Variants in FRMD4B observed in about 807,000 individuals in gnomAD.
FRMD4B encodes the protein FERM domain containing 4B, also known as FERM domain-containing protein 4B.
FRMD4B carries 74 observed loss-of-function variants against 141.5 expected under a neutral mutation model. That is an observed-to-expected ratio of 0.52 (90% CI 0.43 to 0.63). The LOEUF is 0.63. Among genes scored for constraint, FRMD4B ranks in the 30% least tolerant of loss-of-function variants. The pLI, the probability that FRMD4B is intolerant of heterozygous loss-of-function variation, is 0.00. For synonymous variants in FRMD4B, 506 were observed against 467.9 expected (o/e 1.08, Z -1.05); for missense variants, 1,366 against 1,253.4 (o/e 1.09, Z -1.36).
intron 3 of FRMD4B, among the ~76,000 whole-genome samples, chr3:69,305,278 G>A (rs899813279): frequency 7.9e-5 from 12 of 152,122 alleles, no homozygotes; most frequent in Admixed American, 3.9e-4. Flanking sequence ...GAAAGAGTGT[G>A]TCTTTGTTTC....
At chr3:69,309,092 A>C (rs1701487040) in intron 3 of FRMD4B, among the ~76,000 whole-genome samples, 1 of 152,164 alleles carries the variant, frequency 6.6e-6, no homozygotes, top group Non-Finnish European at 1.5e-5. Flanking sequence ...ATATAGAACA[A>C]CACCTGGCAT....
chr3:69,538,981 T>C (rs897810886), intron 1 of FRMD4B, among the ~76,000 whole-genome samples: 14 of 152,328 alleles, frequency 9.2e-5, no homozygotes, highest in South Asian at 4.1e-4. Context: ...TACTTATCTA[T>C]AGGCTGATGA....
chr3:69,175,880 A>C (rs1297148907), intron 22 of FRMD4B, among the ~76,000 whole-genome samples: 1 of 145,616 alleles, frequency 6.9e-6, no homozygotes, highest in Admixed American at 7.2e-5. Context: ...TCTGGGGTTC[A>C]CGCCATTCTC....
intron 1 of FRMD4B, among the ~76,000 whole-genome samples, chr3:69,315,799 G>A (rs1701788484): frequency 6.6e-6 from 1 of 152,232 alleles, no homozygotes; most frequent in Non-Finnish European, 1.5e-5. Flanking sequence ...CCATGGATGT[G>A]GAATTGCTAG....
At chr3:69,531,072 A>G (rs1461533206) in intron 1 of FRMD4B, among the ~76,000 whole-genome samples, 3 of 152,206 alleles carry the variant, frequency 2.0e-5, no homozygotes, top group Admixed American at 1.3e-4. Flanking sequence ...CTTACTACTT[A>G]TCCCTTAAAC....
chr3:69,494,625 C>T (rs978157724), intron 1 of FRMD4B, among the ~76,000 whole-genome samples: 1 of 152,148 alleles, frequency 6.6e-6, no homozygotes, highest in African/African-American at 2.4e-5. Context: ...GGTGCGGTGG[C>T]TCATACATGT....
At chr3:69,511,682 C>G (rs1024410900) in intron 1 of FRMD4B, among the ~76,000 whole-genome samples, 1 of 152,226 alleles carries the variant, frequency 6.6e-6, no homozygotes, top group Admixed American at 6.5e-5. Flanking sequence ...ACTGGCATCA[C>G]TGAAGTGTTC....
chr3:69,474,190 A>G (rs1003804099), intron 1 of FRMD4B, among the ~76,000 whole-genome samples: 1 of 152,204 alleles, frequency 6.6e-6, no homozygotes, highest in Non-Finnish European at 1.5e-5. Context: ...TACATGTGAC[A>G]GAAACCTGTT....
chr3:69,318,987 A>G (rs921874015), intron 1 of FRMD4B, among the ~76,000 whole-genome samples: 2 of 152,112 alleles, frequency 1.3e-5, no homozygotes. Context: ...GAGTGAGCAA[A>G]CCCTGATTGA....
At chr3:69,322,838 A>AT (rs1702057649) in intron 1 of FRMD4B, 1 of 156,014 alleles carries the variant, frequency 6.4e-6, no homozygotes, top group African/African-American at 2.4e-5. Context: ...GACTCAAGCA[A>AT]TTTTTTCCCA....
chr3:69,366,268 AAAACAAAAACAAAAAC>A (rs1559832046), intron 1 of FRMD4B, among the ~76,000 whole-genome samples: 3 of 103,374 alleles, frequency 2.9e-5, no homozygotes, highest in African/African-American at 1.3e-4. Flanking sequence ...TCAAAAAACA[AAAACAAAAACAAAAAC>A]AAAAAAAATT....
intron 2 of FRMD4B, among the ~76,000 whole-genome samples, chr3:69,410,176 C>G (rs1274812738): frequency 6.6e-6 from 1 of 152,186 alleles, no homozygotes; most frequent in Non-Finnish European, 1.5e-5. Flanking sequence ...TCGTTGGTAC[C>G]TTCCTCTCTG....
intron 1 of FRMD4B, among the ~76,000 whole-genome samples, chr3:69,465,138 G>A (rs1284566943): frequency 2.0e-5 from 3 of 152,014 alleles, no homozygotes; most frequent in African/African-American, 7.3e-5. Flanking sequence ...GGCTAACATG[G>A]TGAAACCCCG....
At chr3:69,200,071 A>T (rs1054699283) in intron 11 of FRMD4B, among the ~76,000 whole-genome samples, 1 of 152,242 alleles carries the variant, frequency 6.6e-6, no homozygotes, top group Non-Finnish European at 1.5e-5. Context: ...TTAATAGTCT[A>T]TACAATAAGC....
At chr3:69,519,746 G>T (rs1021624665) in intron 1 of FRMD4B, among the ~76,000 whole-genome samples, 7 of 151,892 alleles carry the variant, frequency 4.6e-5, no homozygotes, top group African/African-American at 1.7e-4. Flanking sequence ...CATCACCCGA[G>T]CAGTGTACAC....
At chr3:69,422,253 C>T (rs995053405) in intron 2 of FRMD4B, among the ~76,000 whole-genome samples, 11 of 152,020 alleles carry the variant, frequency 7.2e-5, no homozygotes, top group African/African-American at 2.2e-4. Flanking sequence ...ATTAGCTGGG[C>T]GTGGTGGCAT....
At chr3:69,437,040 A>C (rs1705270812) in intron 1 of FRMD4B, among the ~76,000 whole-genome samples, 1 of 152,118 alleles carries the variant, frequency 6.6e-6, no homozygotes, top group Non-Finnish European at 1.5e-5. Context: ...ATGATGAAAA[A>C]TGTTCTGGAG....
chr3:69,455,360 C>T (rs528560531), intron 1 of FRMD4B, among the ~76,000 whole-genome samples: 20 of 152,224 alleles, frequency 1.3e-4, no homozygotes, highest in Non-Finnish European at 2.4e-4. Flanking sequence ...TTTGGGTCTG[C>T]ACTGCCTTTA....
At chr3:69,258,010 A>G (rs1223450189) in intron 5 of FRMD4B, among the ~76,000 whole-genome samples, 1 of 152,000 alleles carries the variant, frequency 6.6e-6, no homozygotes, top group African/African-American at 2.4e-5. Context: ...TTGTATTTTT[A>G]GTAGAGACAG....
Sources: allele counts gnomAD v4.1 joint callset (sites outside exome capture counted in the v4.1 genomes callset), GRCh38; gene constraint gnomAD v4.1.1; transcripts MANE v1.5; gene names NCBI Gene and HGNC (gene_info 2026-07-23, HGNC 2026-07-21).